Variants in MTMR9 observed in about 807,000 individuals in gnomAD.
MTMR9 encodes myotubularin-related protein 9.
MTMR9 carries 39 observed loss-of-function variants against 69.5 expected under a neutral mutation model. The ratio of observed to expected loss-of-function variants is 0.56; its 90% confidence interval spans 0.43 to 0.73. The LOEUF (loss-of-function observed/expected upper bound fraction) is 0.73. Among genes scored for constraint, MTMR9 ranks in the 30% least tolerant of loss-of-function variants. The pLI is 0.00. For missense variants in MTMR9, 900 were observed against 671.2 expected, an observed-to-expected ratio of 1.34 and a Z score of -3.77; for synonymous variants, 354 against 240.8, an observed-to-expected ratio of 1.47 and a Z score of -4.35.
rs1323432746 is a variant in MTMR9 at position 11,310,953 on chromosome 8, G to GGAAGGTT, written c.971+1266_971+1272dup. ...AAAGGCAGAGACTTCCAGACTCTTG[G>GGAAGGTT]GAAGGTTCAGGGTTTTGGTTAATTT... On this transcript the variant is annotated intron_variant, in intron 6 of 9. Coordinates refer to ENST00000221086, the MANE Select transcript of MTMR9 (RefSeq NM_015458.4). Among the ~76,000 whole-genome samples the GGAAGGTT allele has an allele frequency of 2.6e-5, 4 of 152,088 alleles. No homozygotes were observed. The East Asian group carries it at 7.7e-4, about 29-fold the overall frequency.
chr8:11,298,884 G>C (rs972084237), intron 2 of MTMR9: 2 of 984,728 alleles, frequency 2.0e-6, no homozygotes, highest in Admixed American at 6.2e-5. Context: ...GTAAATATAG[G>C]CCCATTTGGG....
At chr8:11,330,213 G>A (rs542373345), downstream of MTMR9, among the ~76,000 whole-genome samples, 812 of 130,850 alleles carry the variant, frequency 6.2e-3, 4 homozygotes, top group Non-Finnish European at 8.1e-3. Flanking sequence ...GGTCAGCCGC[G>A]GCCTGGCCAG....
rs1799506497 is a variant in MTMR9 at position 11,295,175 on chromosome 8, G to C, written c.183-19G>C. The C allele has an allele frequency of 7.4e-7, 1 of 1,358,282 alleles. No individual in the cohort carries two copies. Among genetic ancestry groups the C allele is most frequent in the South Asian group, 1.2e-5 (1 of 82,662 alleles). 84.1% of individuals were successfully genotyped at this position (1,358,282 alleles called of 1,614,324 possible). A position where few individuals can be genotyped will look rare whatever the true frequency, so the allele number is the denominator to read the frequency against. On this transcript the variant is annotated intron_variant, in intron 1 of 9. Coordinates refer to ENST00000221086, the MANE Select transcript of MTMR9 (RefSeq NM_015458.4). ...TAGTAATATATGTGTTCCTAAACAT[G>C]ATTTGCAATTTCTTACAGATTTGTA...
rs1015407223 is a variant in MTMR9 at position 11,325,944 on chromosome 8, C to G, written c.*3156C>G. On this transcript the variant is annotated 3_prime_UTR_variant, in exon 10 of 10. Coordinates refer to ENST00000221086, the MANE Select transcript of MTMR9 (RefSeq NM_015458.4). Reference sequence around the variant, plus strand: ...CAATAATAGACATTCATGTCAGATCCCATATGGGGGATTTTTAAACATTTC... The same window carrying G: ...CAATAATAGACATTCATGTCAGATCGCATATGGGGGATTTTTAAACATTTC... 2 of 151,872 alleles carry G rather than the reference C, an allele frequency of 1.3e-5. No individual in the cohort carries two copies. The highest frequency in any genetic ancestry group is 2.9e-5 in the Non-Finnish European group (2 of 67,998). The allele number at this position is 151,872 out of a possible 1,614,324, so 9.4% of individuals were successfully genotyped here. A position where few individuals can be genotyped will look rare whatever the true frequency, so the allele number is the denominator to read the frequency against.
At chr8:11,285,114 C>T in intron 1 of MTMR9, 44 bp downstream of exon 1, 2 of 1,484,726 alleles carry the variant, frequency 1.3e-6, no homozygotes, top group East Asian at 2.6e-5. Flanking sequence ...GCCGGGGGTC[C>T]CTTGTGGGCG....
intron 1 of MTMR9, among the ~76,000 whole-genome samples, chr8:11,292,902 CATA>C (rs1799419025): frequency 6.6e-6 from 1 of 152,118 alleles, no homozygotes; most frequent in African/African-American, 2.4e-5. Context: ...GCATACATCA[CATA>C]ATATTTATAA....
intron 3 of MTMR9, chr8:11,300,701 A>G (rs1799719069): frequency 6.6e-6 from 1 of 152,294 alleles, no homozygotes; most frequent in Admixed American, 6.5e-5. Context: ...CGGTATACAA[A>G]AACGAATTGA....
chr8:11,298,823 C>G, intron 2 of MTMR9: 2 of 984,452 alleles, frequency 2.0e-6, no homozygotes, highest in Non-Finnish European at 2.4e-6. Flanking sequence ...TCTGTTCCTC[C>G]CATCTACTCA....
At chr8:11,338,358 G>T in the MTMR9 span, among the ~76,000 whole-genome samples, 1 of 152,224 alleles carries the variant, frequency 6.6e-6, no homozygotes, top group African/African-American at 2.4e-5. Context: ...TAGTGAGGTG[G>T]CACTGGCCTT....
At position 11,315,001 on chromosome 8, in the gene MTMR9, C is replaced by T; in HGVS notation, c.1050C>T (p.Ile350=). 1.2e-6 allele frequency: 2 copies of T among 1,614,014 alleles called. No homozygotes were observed. The highest frequency in any genetic ancestry group is 1.7e-6 in the Non-Finnish European group (2 of 1,179,940). Residue 350 remains isoleucine (I), a synonymous_variant, in exon 7 of 10, where the codon ATC becomes ATT. Coordinates refer to ENST00000221086, the MANE Select transcript of MTMR9 (RefSeq NM_015458.4). ...AGGTGACCTCCTTGGCCCAGATCAT[C>T]TTAGAGCCAAGAAGCAGGACCATTC... ...TLQVTSLAQI[I]LEPRSRTIRG... is the part of the protein sequence containing the mutation.
rs1281965485 is a variant in MTMR9 at position 11,322,614 on chromosome 8, G to C, written c.1487-11G>C. 3 of 1,611,260 alleles carry C rather than the reference G, an allele frequency of 1.9e-6. No individual in the cohort carries two copies. In the African/African-American group the frequency reaches 4.0e-5, roughly 22 times the overall value. ...TTTCTTGCTTCTGTTTTCCATTCCT[G>C]GATTCAATAGGTATTTTCCTACGTT... is the stretch of plus-strand genomic sequence containing the variant. On this transcript the variant is annotated splice_polypyrimidine_tract_variant and intron_variant, in intron 9 of 9. Coordinates refer to ENST00000221086, the MANE Select transcript of MTMR9 (RefSeq NM_015458.4).
intron 7 of MTMR9, chr8:11,316,446 C>T: frequency 2.7e-6 from 1 of 376,440 alleles, no homozygotes; most frequent in East Asian, 4.2e-5. Context: ...GTGGTCACAC[C>T]TTAGCCGCGC....
At chr8:11,293,989 T>C (rs1005926356) in intron 1 of MTMR9, among the ~76,000 whole-genome samples, 2 of 152,214 alleles carry the variant, frequency 1.3e-5, no homozygotes, top group Non-Finnish European at 2.9e-5. Context: ...CATACCACTT[T>C]GTTCTTATTC....
chr8:11,319,615 C>G (rs1316899863), intron 8 of MTMR9, 72 bp from the exon 9 acceptor site: 19 of 1,478,930 alleles, frequency 1.3e-5, no homozygotes, highest in Non-Finnish European at 1.8e-5. Flanking sequence ...AGAAATTGTC[C>G]TCGTAAGAGG....
chr8:11,310,790 G>A (rs1800166656), intron 6 of MTMR9, among the ~76,000 whole-genome samples: 2 of 149,258 alleles, frequency 1.3e-5, no homozygotes, highest in East Asian at 2.1e-4. Flanking sequence ...AACAGGAATT[G>A]TAATAAACAG....
chr8:11,304,817 T>C (rs765807566), intron 3 of MTMR9, 24 bp from the exon 4 acceptor site: 1 of 1,609,120 alleles, frequency 6.2e-7, no homozygotes, highest in Non-Finnish European at 8.5e-7. Flanking sequence ...GTTGCTTAGC[T>C]TTGAAGTATT....
At chr8:11,300,236 A>G (rs576432262) in intron 3 of MTMR9, 88 bp downstream of exon 3, 1 of 1,452,986 alleles carries the variant, frequency 6.9e-7, no homozygotes, top group East Asian at 2.4e-5. Flanking sequence ...TTTGAAGAGT[A>G]ATAAGGTGAA....
intron 1 of MTMR9, among the ~76,000 whole-genome samples, chr8:11,292,680 A>C (rs574202348): frequency 6.6e-6 from 1 of 152,126 alleles, no homozygotes; most frequent in East Asian, 1.9e-4. Context: ...TCCCATTTGT[A>C]ATGGATTATT....
chr8:11,305,318 G>A (rs1289785433), intron 4 of MTMR9, among the ~76,000 whole-genome samples: 1 of 152,182 alleles, frequency 6.6e-6, no homozygotes, highest in African/African-American at 2.4e-5. Context: ...TCTTCTGGTA[G>A]AAAAATGAGA....
Sources: allele counts gnomAD v4.1 joint callset (sites outside exome capture counted in the v4.1 genomes callset), GRCh38; gene constraint gnomAD v4.1.1; transcripts MANE v1.5; gene names NCBI Gene and HGNC (gene_info 2026-07-23, HGNC 2026-07-21).